Variants in DCX observed in about 807,000 individuals in gnomAD.
The protein encoded by DCX is neuronal migration protein doublecortin.
A neutral mutation model predicts 20.9 loss-of-function variants in DCX; 4 were observed. The observed-to-expected ratio is 0.19, with a 90% CI of 0.09 to 0.44. The LOEUF is 0.44. Among genes scored for constraint, DCX ranks in the 20% least tolerant of loss-of-function variants. DCX has a pLI of 0.99. For synonymous variants in DCX, 103 were observed against 111.4 expected, an observed-to-expected ratio of 0.92 and a Z score of 0.47; for missense variants, 133 against 296.9, an observed-to-expected ratio of 0.45 and a Z score of 4.06.
chrX:111,321,115 G>A (rs1168040013), intron 5 of DCX, among the ~76,000 whole-genome samples: 1 of 111,629 alleles, frequency 9.0e-6, no homozygotes, highest in African/African-American at 3.3e-5. Context: ...CCATCTTCAG[G>A]GCTTCTATAC....
chrX:111,380,806 G>T (rs146207689), intron 3 of DCX, among the ~76,000 whole-genome samples: 1 of 110,235 alleles, frequency 9.1e-6, no homozygotes, highest in Non-Finnish European at 1.9e-5. Flanking sequence ...ATATCAGCCT[G>T]GTTCTCTCAT....
At position 111,338,772 on chromosome X, in the gene DCX, T is replaced by C; in HGVS notation, c.706-5619A>G. On this transcript the variant is annotated intron_variant, in intron 3 of 6. Coordinates refer to ENST00000636035, the MANE Select transcript of DCX (RefSeq NM_001195553.2). ...AAAATCTGTGCTGAAATAATAACAA[T>C]GGCACTTACATTTGTATGGTATTTT... Among the ~76,000 whole-genome samples, 3 of 108,190 alleles carry C rather than the reference T, an allele frequency of 2.8e-5. 1 individual carries two copies. The Middle Eastern group carries it at 0.014, about 506-fold the overall frequency. The allele number at this position is 108,190 out of a possible 115,157, so 93.9% of individuals were successfully genotyped here.
chrX:111,359,801 A>G (rs2147689258), intron 3 of DCX, among the ~76,000 whole-genome samples: 1 of 111,979 alleles, frequency 8.9e-6, no homozygotes, highest in African/African-American at 3.2e-5. Flanking sequence ...TGAAAGCAGC[A>G]ATTTTATTAT....
chrX:111,310,396 A>T (rs1028526732), intron 6 of DCX, among the ~76,000 whole-genome samples: 2 of 111,625 alleles, frequency 1.8e-5, no homozygotes, highest in African/African-American at 6.5e-5. Flanking sequence ...TACTATATGT[A>T]TTTATTTGTG....
At chrX:111,378,150 A>G (rs1317900511) in intron 3 of DCX, among the ~76,000 whole-genome samples, 1 of 111,915 alleles carries the variant, frequency 8.9e-6, no homozygotes, top group East Asian at 2.8e-4. Context: ...AGTCAAACAA[A>G]TGCATTGAAC....
intron 3 of DCX, among the ~76,000 whole-genome samples, chrX:111,363,726 A>G (rs745321234): frequency 9.0e-6 from 1 of 111,463 alleles, no homozygotes; most frequent in South Asian, 3.8e-4. Flanking sequence ...TTTCCTTGTC[A>G]CATCTTTTTT....
intron 2 of DCX, among the ~76,000 whole-genome samples, chrX:111,407,919 A>T (rs1301927128): frequency 2.7e-5 from 3 of 111,026 alleles, no homozygotes; most frequent in Non-Finnish European, 5.7e-5. Context: ...ATCAGAGACA[A>T]GAATATTCTA....
chrX:111,333,055 T>C lies in DCX; in HGVS notation c.804A>G (p.Glu268=). The change falls in exon 4 of 7, where the codon GAA becomes GAG. Residue 268 remains glutamate, a synonymous_variant. Transcript: ENST00000636035. ...RYAQDDFSLD[E]NECRVMKGNP... is the part of the protein sequence containing the mutation. Reference sequence around the variant, plus strand: ...AAACCCAGTGGTTATGCTTACCATTTTCATCCAGAGAAAAATCATCCTGAG... The same window carrying C: ...AAACCCAGTGGTTATGCTTACCATTCTCATCCAGAGAAAAATCATCCTGAG... 2 of 1,199,795 alleles carry C rather than the reference T, an allele frequency of 1.7e-6. No homozygotes were observed. Among genetic ancestry groups the C allele is most frequent in the Non-Finnish European group, 2.3e-6 (2 of 884,921 alleles).
chrX:111,395,209 G>A (rs1927235682), intron 3 of DCX, among the ~76,000 whole-genome samples: 1 of 111,712 alleles, frequency 9.0e-6, no homozygotes. Context: ...AAAAATTAAG[G>A]CCCAAAAAGA....
chrX:111,317,965 T>A (rs2095077006), intron 5 of DCX, among the ~76,000 whole-genome samples: 1 of 110,001 alleles, frequency 9.1e-6, no homozygotes, highest in Admixed American at 9.7e-5. Flanking sequence ...GGCAGGCTGA[T>A]CACAAGGTCA....
At chrX:111,350,231 T>C (rs920576225) in intron 3 of DCX, among the ~76,000 whole-genome samples, 1 of 111,018 alleles carries the variant, frequency 9.0e-6, no homozygotes, top group Non-Finnish European at 1.9e-5. Flanking sequence ...CAGGGTGGAA[T>C]AGAGTAGAGA....
At chrX:111,301,804 G>T in intron 6 of DCX, 61 bp from the exon 7 acceptor site, 1 of 1,026,171 alleles carries the variant, frequency 9.7e-7, no homozygotes, top group Non-Finnish European at 1.4e-6. Context: ...GCTCTGGAAT[G>T]TCTGCTTTAG....
chrX:111,376,643 G>A (rs748469483), intron 3 of DCX, among the ~76,000 whole-genome samples: 2 of 111,555 alleles, frequency 1.8e-5, no homozygotes, highest in Admixed American at 1.9e-4. Context: ...AGGAGGGCTT[G>A]TTAAAACAGA....
Position 111,300,616 on chromosome X carries a change from CT to C in DCX, c.*1070del, listed in dbSNP as rs34693940. 3,925 of 85,556 alleles carry C rather than the reference CT, an allele frequency of 0.046. 123 individuals carry two copies. Among genetic ancestry groups the C allele is most frequent in the African/African-American group, 0.13 (2,953 of 23,585 alleles). The allele number at this position is 85,556 out of a possible 1,213,427, so 7.1% of individuals were successfully genotyped here. Reference sequence around the variant, plus strand: ...ATTTCTAAACTACATTATTCTTCTGCTTTTTTTTTTTTTTTTGGTAAATTTT... The same window carrying C: ...ATTTCTAAACTACATTATTCTTCTGCTTTTTTTTTTTTTTTGGTAAATTTT... On this transcript the variant is annotated 3_prime_UTR_variant, in exon 7 of 7. Transcript: ENST00000636035.
chrX:111,381,206 GT>G (rs764796554), intron 3 of DCX, among the ~76,000 whole-genome samples: 2 of 108,102 alleles, frequency 1.9e-5, no homozygotes, highest in South Asian at 8.1e-4. Context: ...CCAATATGAT[GT>G]CCTTGTGTTT....
chrX:111,375,005 A>G (rs1341737594), intron 3 of DCX, among the ~76,000 whole-genome samples: 1 of 101,115 alleles, frequency 9.9e-6, no homozygotes, highest in Non-Finnish European at 2.0e-5. Flanking sequence ...AAAAAATCTC[A>G]AAGTATGACA....
intron 5 of DCX, among the ~76,000 whole-genome samples, chrX:111,316,661 T>C (rs2095073310): frequency 9.0e-6 from 1 of 111,707 alleles, no homozygotes; most frequent in Admixed American, 9.5e-5. Context: ...TATGATTCTA[T>C]ATCTAGAAAA....
Position 111,350,183 on chromosome X carries a change from G to A in DCX, c.706-17030C>T, listed in dbSNP as rs1350012159. Reference sequence around the variant, plus strand: ...TACAACTGGAATCCAAAAAACAAGGGAGCCTGTTGATAAGAGTCAGCTTCC... The same window carrying A: ...TACAACTGGAATCCAAAAAACAAGGAAGCCTGTTGATAAGAGTCAGCTTCC... On this transcript the variant is annotated intron_variant, in intron 3 of 6. Transcript: ENST00000636035. Among the ~76,000 whole-genome samples, 3 of 111,329 alleles carry A rather than the reference G, an allele frequency of 2.7e-5. No individual in the cohort carries two copies. In the East Asian group the frequency reaches 8.5e-4, roughly 32 times the overall value.
intron 6 of DCX, among the ~76,000 whole-genome samples, chrX:111,306,540 A>G (rs945107286): frequency 4.5e-5 from 5 of 111,588 alleles, no homozygotes; most frequent in Non-Finnish European, 9.4e-5. Flanking sequence ...AAGACCAACA[A>G]GTAAATAGAG....
Sources: allele counts gnomAD v4.1 joint callset (sites outside exome capture counted in the v4.1 genomes callset), GRCh38; gene constraint gnomAD v4.1.1; transcripts MANE v1.5; gene names NCBI Gene and HGNC (gene_info 2026-07-23, HGNC 2026-07-21).